ZNF776: variants seen among roughly 807,000 people sequenced by gnomAD.
The protein encoded by ZNF776 is zinc finger protein 776.
ZNF776 carries 4 observed loss-of-function variants against 7.0 expected under a neutral mutation model. That is an observed-to-expected ratio of 0.57 (90% confidence interval 0.28 to 1.31). The LOEUF is 1.31. Ranked by LOEUF, ZNF776 falls within the 50% of genes most tolerant of loss-of-function variation. The pLI is 0.10. For missense variants in ZNF776, 555 were observed against 625.9 expected (o/e 0.89, Z 1.21); for synonymous variants, 212 against 213.7 (o/e 0.99, Z 0.07).
In ZNF776 at chr19:57,750,954, G is replaced by A. The variant is rs754563190; in HGVS notation, c.160+43G>A. The A allele has an allele frequency of 7.7e-6, 12 of 1,560,744 alleles. No individual in the cohort carries two copies. In the South Asian group the frequency reaches 1.3e-4, roughly 17 times the overall value. On this transcript the variant is annotated intron_variant, in intron 2 of 2. Coordinates refer to ENST00000317178, the MANE Select transcript of ZNF776 (RefSeq NM_173632.4). ...TTCTCTATGACCTCAGCTATTGTCT[G>A]TCTGTCCCCATCTTTTTTCCCCATG...
At chr19:57,751,495 C>T (rs1008037958) in intron 2 of ZNF776, among the ~76,000 whole-genome samples, 8 of 151,918 alleles carry the variant, frequency 5.3e-5, no homozygotes, top group African/African-American at 9.7e-5. Flanking sequence ...TAGAGTAACT[C>T]GGACTAGAGG....
rs546768264 is a variant in ZNF776, at chr19:57,756,088, A to C, written c.*1401A>C. ...TAAAAAATCACACAAAAACCCTCAT[A>C]ATGTTTTAAGAAAGTTTACAAATTT... On this transcript the variant is annotated 3_prime_UTR_variant, in exon 3 of 3. Transcript: ENST00000317178. 22 of 152,258 alleles carry C rather than the reference A, an allele frequency of 1.4e-4. No individual in the cohort carries two copies. Among genetic ancestry groups the C allele is most frequent in the Admixed American group, 1.2e-3 (19 of 15,284 alleles). The allele number at this position is 152,258 out of a possible 1,614,324, so 9.4% of individuals were successfully genotyped here.
In ZNF776 at chr19:57,754,808, T is replaced by C; in HGVS notation, c.*121T>C. ...CATCTAGCCAAAAGGTTGGCCTCAT[T>C]CAACAATAGCAAGATCACACTGGGG... is the stretch of plus-strand genomic sequence containing the variant. On this transcript the variant is annotated 3_prime_UTR_variant, in exon 3 of 3. Coordinates refer to ENST00000317178, the MANE Select transcript of ZNF776 (RefSeq NM_173632.4). The C allele has an allele frequency of 1.0e-6, 1 of 963,132 alleles. No individual in the cohort carries two copies. Among genetic ancestry groups the C allele is most frequent in the Admixed American group, 2.5e-5 (1 of 40,508 alleles). 59.7% of individuals were successfully genotyped at this position (963,132 alleles called of 1,614,324 possible). A position where few individuals can be genotyped will look rare whatever the true frequency, so the allele number is the denominator to read the frequency against.
Position 57,753,673 on chromosome 19 carries a change from A to G in ZNF776, c.543A>G (p.Gln181=), listed in dbSNP as rs1482133131. 6 of 1,614,190 alleles carry G rather than the reference A, an allele frequency of 3.7e-6. No homozygotes were observed. Among genetic ancestry groups the G allele is most frequent in the Admixed American group, 1.7e-5 (1 of 60,024 alleles). Residue 181 remains glutamine, a synonymous_variant, in exon 3 of 3, where the codon CAA becomes CAG. Transcript: ENST00000317178. ...KDFLSSLRLL[Q]QEDIHTSGKS... ...TTTTGTCCAGCTTGAGATTACTCCA[A>G]CAAGAGGACATTCACACTTCAGGGA... is the stretch of plus-strand genomic sequence containing the variant.
Position 57,754,943 on chromosome 19 carries a change from T to G in ZNF776, c.*256T>G, listed in dbSNP as rs1390589820. The G allele has an allele frequency of 6.1e-6, 3 of 493,220 alleles. No homozygotes were observed. The highest frequency in any genetic ancestry group is 3.5e-5 in the East Asian group (1 of 28,560). 30.6% of individuals were successfully genotyped at this position (493,220 alleles called of 1,614,324 possible). A position where few individuals can be genotyped will look rare whatever the true frequency, so the allele number is the denominator to read the frequency against. On this transcript the variant is annotated 3_prime_UTR_variant, in exon 3 of 3. Coordinates refer to ENST00000317178, the MANE Select transcript of ZNF776 (RefSeq NM_173632.4). ...AAAGACCCTATAGTTATGGGGAATT[T>G]GGGAAATTACCTAACAAGAAGTCCC...
chr19:57,749,535 G>A (rs1827081773), intron 1 of ZNF776, among the ~76,000 whole-genome samples: 2 of 152,118 alleles, frequency 1.3e-5, no homozygotes, highest in Non-Finnish European at 2.9e-5. Context: ...GCCATATTGT[G>A]GTATAAAGCC....
rs1986672024 is a variant in ZNF776 at position 57,753,538 on chromosome 19, C to T, written c.408C>T (p.His136=). ...DANHHQDQKQ[H]IGEKSYRSNA... is the part of the protein sequence containing the mutation. ...ACCATCATCAAGACCAGAAGCAGCA[C>T]ATTGGAGAGAAATCGTACAGAAGCA... Residue 136 remains histidine, a synonymous_variant, in exon 3 of 3, where the codon CAC becomes CAT. Coordinates refer to ENST00000317178, the MANE Select transcript of ZNF776 (RefSeq NM_173632.4). 6.2e-7 allele frequency: 1 copy of T among 1,614,208 alleles called. No individual in the cohort carries two copies. Among genetic ancestry groups the T allele is most frequent in the African/African-American group, 1.3e-5 (1 of 75,044 alleles).
chr19:57,749,509 A>G (rs992635893), intron 1 of ZNF776, among the ~76,000 whole-genome samples: 9 of 152,242 alleles, frequency 5.9e-5, no homozygotes, highest in Non-Finnish European at 1.0e-4. Flanking sequence ...TATGTGAAGC[A>G]TATTGGATGC....
chr19:57,753,238 A>G, intron 2 of ZNF776, 53 bp from the exon 3 acceptor site: 2 of 1,531,924 alleles, frequency 1.3e-6, no homozygotes, highest in South Asian at 1.2e-5. Context: ...ATGGCTTAGT[A>G]ATACTTCCCT....
intron 2 of ZNF776, among the ~76,000 whole-genome samples, chr19:57,752,978 A>G (rs1986649934): frequency 6.6e-6 from 1 of 152,244 alleles, no homozygotes; most frequent in Admixed American, 6.5e-5. Context: ...CCATGGAAAT[A>G]ATTGCAGAAA....
chr19:57,750,770 T>G lies in ZNF776; in HGVS notation c.34-15T>G. On this transcript the variant is annotated splice_polypyrimidine_tract_variant and intron_variant, in intron 1 of 2. Transcript: ENST00000317178. ...TATGGAGTGTTTGTGGTTTCATCTG[T>G]CATCATCACGGCAGGGCACTGTGAC... 6.2e-7 allele frequency: 1 copy of G among 1,607,658 alleles called. No individual in the cohort carries two copies. Among genetic ancestry groups the G allele is most frequent in the Non-Finnish European group, 8.5e-7 (1 of 1,176,512 alleles).
chr19:57,747,228 C>A, intron 1 of ZNF776, 137 bp downstream of exon 1: 1 of 872,978 alleles, frequency 1.1e-6, no homozygotes, highest in East Asian at 2.9e-5. Context: ...TATGGGCCCC[C>A]GTTTTTGACA....
chr19:57,751,314 C>T (rs1568475455), intron 2 of ZNF776, among the ~76,000 whole-genome samples: 1 of 152,090 alleles, frequency 6.6e-6, no homozygotes, highest in African/African-American at 2.4e-5. Context: ...TTACATGCAC[C>T]ATAGGTTGTT....
In ZNF776 at chr19:57,755,935, A is replaced by T. The variant is rs1986763722; in HGVS notation, c.*1248A>T. 6.6e-6 allele frequency: 1 copy of T among 152,148 alleles called. No individual in the cohort carries two copies. Among genetic ancestry groups the T allele is most frequent in the South Asian group, 2.1e-4 (1 of 4,820 alleles). 9.4% of individuals were successfully genotyped at this position (152,148 alleles called of 1,614,324 possible). On this transcript the variant is annotated 3_prime_UTR_variant, in exon 3 of 3. Transcript: ENST00000317178. ...TTCTCTATGAAGAGTTAGGCCATGG[A>T]CCTGACTCAGTTCTGGCCTAGAGCA...
At chr19:57,750,739 T>C (rs1034184376) in intron 1 of ZNF776, 46 bp from the exon 2 acceptor site, 3 of 1,572,972 alleles carry the variant, frequency 1.9e-6, no homozygotes, top group Non-Finnish European at 2.6e-6. Flanking sequence ...GATAAGTGGA[T>C]GAGCATATGG....
chr19:57,747,125 C>A, intron 1 of ZNF776, 34 bp downstream of exon 1: 1 of 1,570,866 alleles, frequency 6.4e-7, no homozygotes. Flanking sequence ...CTCAGGTCAC[C>A]TCATCTTTAC....
chr19:57,747,862 T>A (rs1366043770), intron 1 of ZNF776, among the ~76,000 whole-genome samples: 2 of 124,392 alleles, frequency 1.6e-5, no homozygotes, highest in East Asian at 4.8e-4. Flanking sequence ...TTTTTTTTTT[T>A]AAGTTTTTTG....
Position 57,753,419 on chromosome 19 carries a change from C to A in ZNF776, c.289C>A (p.Pro97Thr). Residue 97 changes from proline to threonine, a missense_variant, in exon 3 of 3, where the codon CCT (proline) becomes ACT (threonine). Transcript: ENST00000317178. ...KKVHLWGMCG[P>T]LLGDILHQGT... ...GGTCCACCTCTGGGGAATGTGTGGC[C>A]CTCTCCTGGGAGATATCTTACACCA... 6.2e-7 allele frequency: 1 copy of A among 1,614,134 alleles called. No homozygotes were observed. Among genetic ancestry groups the A allele is most frequent in the East Asian group, 2.2e-5 (1 of 44,866 alleles).
chr19:57,747,598 C>T (rs1239750048), intron 1 of ZNF776, among the ~76,000 whole-genome samples: 1 of 152,092 alleles, frequency 6.6e-6, no homozygotes, highest in Non-Finnish European at 1.5e-5. Context: ...TGTACTGAGG[C>T]GCTCAGTTCA....
Sources: gnomAD v4.1 joint callset for allele counts (sites outside exome capture counted in the v4.1 genomes callset) on GRCh38, gnomAD v4.1.1 for gene constraint, MANE v1.5 for transcripts, NCBI Gene and HGNC (gene_info 2026-07-23, HGNC 2026-07-21) for gene names.